SUMF1: variants seen among roughly 807,000 people sequenced by gnomAD.
SUMF1 encodes the protein formylglycine-generating enzyme.
Under a neutral mutation model 47.6 loss-of-function variants are expected in SUMF1, and 48 were observed. That is an observed-to-expected ratio of 1.01 (90% CI 0.80 to 1.28). The LOEUF is 1.28. Ranked by LOEUF, SUMF1 falls within the 50% of genes most tolerant of loss-of-function variation. The pLI is 0.00. For missense variants in SUMF1, 571 were observed against 485.4 expected (o/e 1.18, Z -1.66); for synonymous variants, 230 against 192.1 (o/e 1.20, Z -1.63).
intron 8 of SUMF1, among the ~76,000 whole-genome samples, chr3:4,333,301 C>A (rs955473255): frequency 1.3e-5 from 2 of 152,244 alleles, no homozygotes; most frequent in African/African-American, 4.8e-5. Context: ...ACCTGTCTGT[C>A]TGCATGTTCC....
intron 1 of SUMF1, 113 bp downstream of exon 1, chr3:4,466,863 G>T: frequency 1.4e-6 from 2 of 1,455,882 alleles, no homozygotes; most frequent in Non-Finnish European, 1.9e-6. Context: ...TGCTCGATTT[G>T]GGGTGTGGTT....
At chr3:4,128,261 C>G (rs919846307) in intron 8 of SUMF1, among the ~76,000 whole-genome samples, 3 of 152,162 alleles carry the variant, frequency 2.0e-5, no homozygotes, top group Admixed American at 6.5e-5. Context: ...CACAGCCTCA[C>G]CAGGTGTCTA....
chr3:4,108,927 T>G (rs1220220537), intron 8 of SUMF1, among the ~76,000 whole-genome samples: 1 of 151,730 alleles, frequency 6.6e-6, no homozygotes, highest in South Asian at 2.1e-4. Context: ...CATTTACATT[T>G]AAGGTTAATA....
intron 8 of SUMF1, among the ~76,000 whole-genome samples, chr3:4,279,893 G>C (rs1335113952): frequency 6.6e-6 from 1 of 152,104 alleles, no homozygotes; most frequent in African/African-American, 2.4e-5. Context: ...TATCTTATGA[G>C]ACACTTTTTA....
intron 8 of SUMF1, among the ~76,000 whole-genome samples, chr3:4,374,644 G>C (rs1169184345): frequency 6.6e-6 from 1 of 152,150 alleles, no homozygotes; most frequent in East Asian, 1.9e-4. Context: ...AGTGCCATAT[G>C]CCAGAGACAT....
rs1440336013 is a variant in SUMF1, at chr3:4,239,179, CT to C, written c.1014+137150del. 3.3e-5 allele frequency among the ~76,000 whole-genome samples: 5 copies of C among 152,032 alleles called. No individual in the cohort carries two copies. The South Asian group carries it at 1.0e-3, about 32-fold the overall frequency. On this transcript the variant is annotated intron_variant and NMD_transcript_variant, in intron 8 of 12. Coordinates refer to the SUMF1 transcript ENST00000448413. ...ACCATGCTATTTTGGTTACTGTAGC[CT>C]TTTAATATAGTTTGAAGCCAGGTAG... is the stretch of plus-strand genomic sequence containing the variant.
At chr3:4,382,687 T>C (rs2124885978) in intron 7 of SUMF1, among the ~76,000 whole-genome samples, 1 of 152,232 alleles carries the variant, frequency 6.6e-6, no homozygotes, top group South Asian at 2.1e-4. Context: ...CCACCAATGA[T>C]GGACTGGATA....
intron 8 of SUMF1, among the ~76,000 whole-genome samples, chr3:4,136,773 A>C (rs1235321768): frequency 1.3e-5 from 2 of 151,178 alleles, no homozygotes; most frequent in African/African-American, 4.9e-5. Context: ...ACAAATTTAC[A>C]AGAAAAAAAC....
chr3:4,336,053 A>G (rs1699147155), intron 8 of SUMF1, among the ~76,000 whole-genome samples: 1 of 151,654 alleles, frequency 6.6e-6, no homozygotes, highest in Non-Finnish European at 1.5e-5. Flanking sequence ...ATCTACCCGG[A>G]GAATCCCTCT....
chr3:4,078,159 T>C (rs1303114764), intron 8 of SUMF1, among the ~76,000 whole-genome samples: 1 of 152,094 alleles, frequency 6.6e-6, no homozygotes, highest in Non-Finnish European at 1.5e-5. Flanking sequence ...CCTCAAAATC[T>C]TTTTGAAAGC....
chr3:4,111,803 G>A (rs1175890579), intron 8 of SUMF1, among the ~76,000 whole-genome samples: 1 of 152,052 alleles, frequency 6.6e-6, no homozygotes. Flanking sequence ...TGTATACCAA[G>A]TACAACGTAA....
chr3:4,373,955 G>T (rs1700245800), intron 8 of SUMF1, among the ~76,000 whole-genome samples: 1 of 151,808 alleles, frequency 6.6e-6, no homozygotes. Context: ...CTCAATAGAT[G>T]CAGAAAAAGC....
chr3:4,369,590 C>T (rs1042167091), intron 8 of SUMF1, among the ~76,000 whole-genome samples: 9 of 152,174 alleles, frequency 5.9e-5, no homozygotes, highest in Admixed American at 6.5e-5. Context: ...GTCCCATAAA[C>T]GTACACGCTT....
chr3:4,442,116 C>A (rs1359558987), intron 3 of SUMF1, among the ~76,000 whole-genome samples: 1 of 152,154 alleles, frequency 6.6e-6, no homozygotes. Context: ...AGCCAACAGG[C>A]ATTACTGGAA....
chr3:4,223,975 A>G (rs1696120742), intron 8 of SUMF1, among the ~76,000 whole-genome samples: 1 of 152,174 alleles, frequency 6.6e-6, no homozygotes, highest in South Asian at 2.1e-4. Flanking sequence ...GAAACAGTCC[A>G]ATAGACAACA....
intron 8 of SUMF1, among the ~76,000 whole-genome samples, chr3:4,100,712 G>C (rs958564406): frequency 6.6e-6 from 1 of 151,894 alleles, no homozygotes; most frequent in Non-Finnish European, 1.5e-5. Context: ...AGAGTGAAGA[G>C]ACAACTCACA....
At chr3:4,098,371 G>C (rs1028087659) in intron 8 of SUMF1, among the ~76,000 whole-genome samples, 6 of 152,128 alleles carry the variant, frequency 3.9e-5, no homozygotes, top group African/African-American at 9.7e-5. Context: ...CAGACACATA[G>C]GGACACACAA....
intron 8 of SUMF1, among the ~76,000 whole-genome samples, chr3:4,117,743 A>C (rs1415246833): frequency 6.6e-6 from 1 of 151,304 alleles, no homozygotes; most frequent in African/African-American, 2.4e-5. Flanking sequence ...ATGTAACTTA[A>C]ACATGAATCT....
At chr3:4,285,744 G>A (rs529505549) in intron 8 of SUMF1, among the ~76,000 whole-genome samples, 66 of 152,188 alleles carry the variant, frequency 4.3e-4, no homozygotes, top group Non-Finnish European at 8.2e-4. Flanking sequence ...AGTACTGTAT[G>A]AGGGATGAAT....
Sources: gnomAD v4.1 joint callset for allele counts (sites outside exome capture counted in the v4.1 genomes callset) on GRCh38, gnomAD v4.1.1 for gene constraint, MANE v1.5 for transcripts, NCBI Gene and HGNC (gene_info 2026-07-23, HGNC 2026-07-21) for gene names.